The following SLC18A1 variants were observed in gnomAD, a reference collection of about 807,000 sequenced individuals.
The protein encoded by SLC18A1 is solute carrier family 18 member A1.
SLC18A1 carries 69 observed loss-of-function variants against 53.7 expected under a neutral mutation model. The observed-to-expected ratio is 1.28, with a 90% confidence interval of 1.06 to 1.57. SLC18A1 has a LOEUF of 1.57. SLC18A1 is among the 40% of genes most tolerant of loss of function. SLC18A1 has a pLI of 0.00. For synonymous variants in SLC18A1, 320 were observed against 248.1 expected (o/e 1.29, Z -2.72); for missense variants, 932 against 668.1 (o/e 1.40, Z -4.35).
rs371011368 is a variant in SLC18A1, at chr8:20,179,368, T to C, written c.241A>G (p.Ile81Val). ...HALASPAFST[I>V]FSFFNNNTVA... ...GTGTTGTTGTTGAAGAAGGAGAAGA[T>C]GGTGGAAAAGGCAGGAGAGGCGAGG... Residue 81 changes from isoleucine to valine, a missense_variant, in exon 3 of 16, where the codon ATC (isoleucine) becomes GTC (valine). Physicochemically the swap from Ile to Val is conservative, Grantham distance 29. Transcript: ENST00000276373. The C allele has an allele frequency of 2.5e-6, 4 of 1,614,094 alleles. No individual in the cohort carries two copies. Among genetic ancestry groups the C allele is most frequent in the South Asian group, 2.2e-5 (2 of 91,086 alleles).
chr8:20,149,856 T>C (rs1396531239), intron 11 of SLC18A1, 129 bp from the exon 12 acceptor site: 1 of 772,932 alleles, frequency 1.3e-6, no homozygotes, highest in Non-Finnish European at 2.2e-6. Context: ...GAGGACAGCA[T>C]CCCTACATGA....
intron 13 of SLC18A1, 32 bp downstream of exon 13, chr8:20,147,975 G>C: frequency 6.2e-7 from 1 of 1,608,242 alleles, no homozygotes; most frequent in East Asian, 2.2e-5. Context: ...AACATGCAGG[G>C]GCTTATTGTT....
chr8:20,177,786 T>C (rs1473191836), intron 4 of SLC18A1, among the ~76,000 whole-genome samples: 1 of 152,194 alleles, frequency 6.6e-6, no homozygotes, highest in Non-Finnish European at 1.5e-5. Flanking sequence ...CCCTTTTCAT[T>C]CCTTCTTCCT....
rs2071355923 is a variant in SLC18A1 at position 20,144,895 on chromosome 8, TG to T, written c.*867del. On this transcript the variant is annotated 3_prime_UTR_variant, in exon 16 of 16. Coordinates refer to ENST00000276373, the MANE Select transcript of SLC18A1 (RefSeq NM_003053.4). ...TGTATTTATTAGCAAGTATGAACAA[TG>T]TCACATTACACCCCTCCTGTTAGGA... is the stretch of plus-strand genomic sequence containing the variant. 1 of 152,208 alleles carries T rather than the reference TG, an allele frequency of 6.6e-6. No individual in the cohort carries two copies. 9.4% of individuals were successfully genotyped at this position (152,208 alleles called of 1,614,324 possible).
intron 10 of SLC18A1, among the ~76,000 whole-genome samples, chr8:20,159,664 G>GA (rs1455777081): frequency 1.1e-5 from 1 of 89,648 alleles, no homozygotes; most frequent in Non-Finnish European, 2.4e-5. Flanking sequence ...AAAAAAAAAA[G>GA]AAAGAAAAAG....
intron 6 of SLC18A1, 51 bp downstream of exon 6, chr8:20,172,985 T>TTCC (rs768613820): frequency 6.0e-6 from 8 of 1,339,312 alleles, no homozygotes; most frequent in Non-Finnish European, 8.4e-6. Flanking sequence ...GAACACCTGC[T>TTCC]TCCTAGAGTC....
intron 12 of SLC18A1, 83 bp downstream of exon 12, chr8:20,149,586 CTCCCTCT>C (rs1563722054): frequency 5.9e-5 from 58 of 985,586 alleles, no homozygotes; most frequent in South Asian, 9.6e-5. Context: ...CTCTCTCTCT[CTCCCTCT>C]CTCTCTCTCT....
At chr8:20,180,435 G>C (rs190411090) in intron 2 of SLC18A1, among the ~76,000 whole-genome samples, 1 of 152,296 alleles carries the variant, frequency 6.6e-6, no homozygotes, top group East Asian at 1.9e-4. Flanking sequence ...TACTAAATCA[G>C]ATATCCAAAT....
At chr8:20,154,680 G>C (rs780311985) in intron 10 of SLC18A1, among the ~76,000 whole-genome samples, 1 of 152,212 alleles carries the variant, frequency 6.6e-6, no homozygotes, top group African/African-American at 2.4e-5. Context: ...CTGATGACAA[G>C]TCCAGGATTT....
chr8:20,150,300 C>G (rs1456451932), intron 11 of SLC18A1, among the ~76,000 whole-genome samples: 3 of 152,176 alleles, frequency 2.0e-5, no homozygotes. Context: ...CTCTATAGAA[C>G]TCCTTAGGAT....
At chr8:20,180,116 G>GTT (rs761380273) in intron 2 of SLC18A1, among the ~76,000 whole-genome samples, 56 of 151,282 alleles carry the variant, frequency 3.7e-4, no homozygotes, top group Non-Finnish European at 7.2e-4. Flanking sequence ...AATTGTGTGT[G>GTT]TGTGTGTGTG....
intron 10 of SLC18A1, among the ~76,000 whole-genome samples, chr8:20,152,844 G>C (rs2071592230): frequency 6.6e-6 from 1 of 152,200 alleles, no homozygotes; most frequent in Non-Finnish European, 1.5e-5. Flanking sequence ...ATGGAATCGA[G>C]AAGAGGAGTC....
At chr8:20,152,646 T>C (rs912302549) in intron 10 of SLC18A1, among the ~76,000 whole-genome samples, 2 of 152,090 alleles carry the variant, frequency 1.3e-5, no homozygotes, top group Non-Finnish European at 2.9e-5. Context: ...CTGGTAGATA[T>C]TCAAGCAGAG....
rs200643324 is a variant in SLC18A1 at position 20,147,641 on chromosome 8, G to A, written c.1292C>T (p.Ala431Val). 2 of 1,614,062 alleles carry A rather than the reference G, an allele frequency of 1.2e-6. No homozygotes were observed. Among genetic ancestry groups the A allele is most frequent in the East Asian group, 2.2e-5 (1 of 44,868 alleles). Residue 431 changes from alanine to valine, a missense_variant, in exon 14 of 16, where the codon GCC (alanine) becomes GTC (valine). Ala to Val is a moderately conservative substitution (Grantham distance 64, BLOSUM62 0). Transcript: ENST00000276373. ...RHTSVYGSVY[A>V]IADVAFCMGF... ...CATGCAAAAAGCCACATCAGCGATG[G>A]CGTAGACACTCCCATACACCGAGGT...
In SLC18A1 at chr8:20,161,756, T is replaced by C. The variant is rs116902491; in HGVS notation, c.1015+3113A>G. On this transcript the variant is annotated intron_variant, in intron 10 of 15. Transcript: ENST00000276373. ...AATATTATGTCTTAAAGCTGGAGAA[T>C]AATTGCCTTTGACTCCATGTCCAAA... Among the ~76,000 whole-genome samples the C allele has an allele frequency of 1.4e-3, 216 of 152,294 alleles. 4 individuals are homozygous for C. In the East Asian group the frequency reaches 0.035, roughly 25 times the overall value.
chr8:20,147,979 T>C, intron 13 of SLC18A1, 28 bp downstream of exon 13: 2 of 1,611,068 alleles, frequency 1.2e-6, no homozygotes, highest in Non-Finnish European at 1.7e-6. Flanking sequence ...TGCAGGGGCT[T>C]ATTGTTTTCT....
chr8:20,156,852 T>C (rs918042214), intron 10 of SLC18A1, among the ~76,000 whole-genome samples: 3 of 152,202 alleles, frequency 2.0e-5, no homozygotes, highest in African/African-American at 7.2e-5. Context: ...CTCTCTGAAA[T>C]GAATTTGCAT....
In SLC18A1 at chr8:20,178,506, T is replaced by TAAA; in HGVS notation, c.489-14_489-13insTTT. ...ATGATATCCAATCCTAAAAGGGAAT[T>TAAA]GAAAAAAAAAAAGATACAATTCCAA... is the stretch of plus-strand genomic sequence containing the variant. On this transcript the variant is annotated splice_polypyrimidine_tract_variant and intron_variant, in intron 3 of 15. Transcript: ENST00000276373. 1 of 1,499,514 alleles carries TAAA rather than the reference T, an allele frequency of 6.7e-7. No individual in the cohort carries two copies. Among genetic ancestry groups the TAAA allele is most frequent in the South Asian group, 1.2e-5 (1 of 81,254 alleles). The allele number at this position is 1,499,514 out of a possible 1,614,324, so 92.9% of individuals were successfully genotyped here. A position where few individuals can be genotyped will look rare whatever the true frequency, so the allele number is the denominator to read the frequency against.
intron 5 of SLC18A1, 51 bp from the exon 6 acceptor site, chr8:20,173,179 C>G (rs2072169214): frequency 1.5e-6 from 2 of 1,350,068 alleles, no homozygotes; most frequent in African/African-American, 1.4e-5. Context: ...CTTCTATCCG[C>G]CTCTCAGAGC....
Sources: allele counts gnomAD v4.1 joint callset (sites outside exome capture counted in the v4.1 genomes callset), GRCh38; gene constraint gnomAD v4.1.1; transcripts MANE v1.5; gene names NCBI Gene and HGNC (gene_info 2026-07-23, HGNC 2026-07-21).